Variants in RBMS3 observed in about 807,000 individuals in gnomAD.
RBMS3 encodes RNA binding motif single stranded interacting protein 3, also known as RNA-binding motif, single-stranded-interacting protein 3.
In RBMS3, 27 loss-of-function variants were observed where a neutral mutation model predicts 66.8. The ratio of observed to expected loss-of-function variants is 0.40; its 90% CI spans 0.30 to 0.56. The LOEUF is 0.56. RBMS3 is among the 20% of genes least tolerant of loss of function. The pLI is 0.40. For missense variants in RBMS3, 513 were observed against 549.5 expected (o/e 0.93, Z 0.66); for synonymous variants, 188 against 183.0 (o/e 1.03, Z -0.22).
intron 6 of RBMS3, among the ~76,000 whole-genome samples, chr3:29,836,213 T>A (rs1406442524): frequency 2.0e-5 from 3 of 152,060 alleles, no homozygotes; most frequent in Non-Finnish European, 4.4e-5. Context: ...GCTATTATTT[T>A]CAAACTCTTT....
intron 5 of RBMS3, among the ~76,000 whole-genome samples, chr3:29,740,447 GA>G (rs569230262): frequency 0.017 from 2,584 of 150,498 alleles, 37 homozygotes; most frequent in Middle Eastern, 0.062. Context: ...CAGAACAGGG[GA>G]AAAAAAAATA....
At chr3:29,385,465 C>A (rs947008030) in intron 1 of RBMS3, among the ~76,000 whole-genome samples, 5 of 152,184 alleles carry the variant, frequency 3.3e-5, no homozygotes, top group Non-Finnish European at 7.3e-5. Context: ...TTGGATACCC[C>A]AGAAGACACT....
intron 3 of RBMS3, among the ~76,000 whole-genome samples, chr3:29,560,112 G>A (rs1052533956): frequency 6.6e-6 from 1 of 152,050 alleles, no homozygotes; most frequent in Non-Finnish European, 1.5e-5. Context: ...TACAATATGG[G>A]CAAAAAATGA....
chr3:29,424,159 A>C (rs1177991062), intron 1 of RBMS3, among the ~76,000 whole-genome samples: 1 of 152,244 alleles, frequency 6.6e-6, no homozygotes, highest in Non-Finnish European at 1.5e-5. Flanking sequence ...AAATAGCTCT[A>C]AAGTAATAAA....
intron 1 of RBMS3, among the ~76,000 whole-genome samples, chr3:29,351,783 A>G (rs1375750390): frequency 6.6e-6 from 1 of 152,020 alleles, no homozygotes; most frequent in African/African-American, 2.4e-5. Context: ...CTACTTAAAC[A>G]CCTTTCCCAC....
chr3:29,602,497 T>G (rs1255564900), intron 4 of RBMS3, among the ~76,000 whole-genome samples: 1 of 151,976 alleles, frequency 6.6e-6, no homozygotes, highest in East Asian at 1.9e-4. Flanking sequence ...AATAGTTGGG[T>G]TTTATTAACT....
intron 6 of RBMS3, among the ~76,000 whole-genome samples, chr3:29,862,250 C>T (rs1285377711): frequency 6.6e-6 from 1 of 152,094 alleles, no homozygotes; most frequent in Admixed American, 6.6e-5. Flanking sequence ...GAAACGGGCC[C>T]AAGAGTCTAC....
intron 7 of RBMS3, chr3:29,880,671 T>C (rs2059715629): frequency 2.0e-6 from 2 of 978,220 alleles, no homozygotes; most frequent in South Asian, 1.4e-5. Context: ...ATTCAGCCAA[T>C]GGGTTAAGTT....
chr3:29,365,973 A>G (rs187697350), intron 1 of RBMS3, among the ~76,000 whole-genome samples: 57 of 152,208 alleles, frequency 3.7e-4, no homozygotes, highest in African/African-American at 1.3e-3. Context: ...GAATTAAGTG[A>G]TTTTACTCAT....
intron 4 of RBMS3, among the ~76,000 whole-genome samples, chr3:29,635,587 A>C (rs1318298717): frequency 6.6e-6 from 1 of 151,756 alleles, no homozygotes; most frequent in Non-Finnish European, 1.5e-5. Context: ...GCTGCCTTCT[A>C]TCCTCAACAC....
intron 4 of RBMS3, among the ~76,000 whole-genome samples, chr3:29,610,258 A>G (rs192313596): frequency 1.5e-3 from 221 of 152,216 alleles, no homozygotes; most frequent in African/African-American, 4.9e-3. Flanking sequence ...AACATCAGCT[A>G]GAAACAGTAG....
chr3:29,439,513 A>G (rs1245588680), intron 2 of RBMS3, among the ~76,000 whole-genome samples: 2 of 152,182 alleles, frequency 1.3e-5, no homozygotes, highest in African/African-American at 2.4e-5. Flanking sequence ...ACATGGGAAC[A>G]ATTAACCAAA....
At chr3:29,359,925 A>T (rs1375455104) in intron 1 of RBMS3, among the ~76,000 whole-genome samples, 3 of 150,624 alleles carry the variant, frequency 2.0e-5, no homozygotes, top group East Asian at 3.9e-4. Context: ...CATCTATTTG[A>T]TTCTTCTCTC....
chr3:29,567,294 A>T (rs2149060259), intron 3 of RBMS3, among the ~76,000 whole-genome samples: 1 of 152,258 alleles, frequency 6.6e-6, no homozygotes, highest in East Asian at 1.9e-4. Flanking sequence ...AAAGAAATTG[A>T]TTTCCAGGAG....
At chr3:29,725,516 C>T (rs1027058076) in intron 4 of RBMS3, among the ~76,000 whole-genome samples, 2 of 151,872 alleles carry the variant, frequency 1.3e-5, no homozygotes, top group Admixed American at 1.3e-4. Flanking sequence ...AAAATAGACA[C>T]AATAAAAATA....
At chr3:29,763,514 A>T (rs1302096118) in intron 6 of RBMS3, among the ~76,000 whole-genome samples, 1 of 152,096 alleles carries the variant, frequency 6.6e-6, no homozygotes, top group Non-Finnish European at 1.5e-5. Flanking sequence ...CAAATTGGAA[A>T]TTTTAGAAAA....
chr3:29,730,989 G>A (rs912141700), intron 4 of RBMS3: 3 of 985,240 alleles, frequency 3.0e-6, no homozygotes, highest in African/African-American at 3.5e-5. Context: ...ATCCAATCTG[G>A]CCACCTGTTC....
rs567418412 is a variant in RBMS3, at chr3:29,904,812, C to T, written c.939+5057C>T. On this transcript the variant is annotated intron_variant, in intron 10 of 14. Coordinates refer to ENST00000383767, the MANE Select transcript of RBMS3 (RefSeq NM_001003793.3). ...ATCCTATGAGTTGAGTTGATTTTCA[C>T]GTGTTTATTGACTAATTTTGTTTTC... Among the ~76,000 whole-genome samples the T allele has an allele frequency of 5.3e-5, 8 of 151,948 alleles. 1 individual carries two copies. In the South Asian group the frequency reaches 6.2e-4, roughly 12 times the overall value.
intron 3 of RBMS3, among the ~76,000 whole-genome samples, chr3:29,507,682 A>G (rs528408246): frequency 1.3e-5 from 2 of 152,252 alleles, no homozygotes; most frequent in Non-Finnish European, 2.9e-5. Context: ...AAGACCTAGC[A>G]CATAATATGA....
Sources: allele counts gnomAD v4.1 joint callset (sites outside exome capture counted in the v4.1 genomes callset), GRCh38; gene constraint gnomAD v4.1.1; transcripts MANE v1.5; gene names NCBI Gene and HGNC (gene_info 2026-07-23, HGNC 2026-07-21).